The following FAM135B variants were observed in gnomAD, a reference collection of about 807,000 sequenced individuals.
FAM135B encodes the protein family with sequence similarity 135 member B.
FAM135B carries 43 observed loss-of-function variants against 127.7 expected under a neutral mutation model. That is an observed-to-expected ratio of 0.34 (90% confidence interval 0.26 to 0.43). FAM135B has a LOEUF of 0.43. Ranked by LOEUF, FAM135B falls within the 20% of genes least tolerant of loss-of-function variation. The probability of loss-of-function intolerance (pLI) is 1.00; values close to 1 mark genes in which losing one functional copy is unlikely to be tolerated. For synonymous variants in FAM135B, 670 were observed against 665.1 expected, an observed-to-expected ratio of 1.01 and a Z score of -0.11; for missense variants, 1,558 against 1,725.6, an observed-to-expected ratio of 0.90 and a Z score of 1.72.
At chr8:138,493,532 T>C (rs796221192) in intron 1 of FAM135B, among the ~76,000 whole-genome samples, 3 of 152,332 alleles carry the variant, frequency 2.0e-5, no homozygotes, top group African/African-American at 7.2e-5. Flanking sequence ...TTCTGTGCAT[T>C]TGCCTATCTA....
intron 4 of FAM135B, among the ~76,000 whole-genome samples, chr8:138,257,814 T>C (rs1822207205): frequency 1.3e-5 from 2 of 151,858 alleles, no homozygotes; most frequent in Non-Finnish European, 2.9e-5. Flanking sequence ...TTGAACAAAT[T>C]GCAAACATTT....
At chr8:138,328,643 T>C (rs1284174904) in intron 2 of FAM135B, among the ~76,000 whole-genome samples, 1 of 152,144 alleles carries the variant, frequency 6.6e-6, no homozygotes, top group Admixed American at 6.5e-5. Context: ...ACTATAAAAA[T>C]AGATGGACCG....
intron 1 of FAM135B, among the ~76,000 whole-genome samples, chr8:138,455,928 T>C (rs1470870625): frequency 6.6e-6 from 1 of 152,226 alleles, no homozygotes; most frequent in Non-Finnish European, 1.5e-5. Context: ...ACCCTCCATA[T>C]GCCAGATCCA....
intron 1 of FAM135B, among the ~76,000 whole-genome samples, chr8:138,428,591 C>A (rs1205606919): frequency 3.3e-5 from 5 of 152,026 alleles, no homozygotes; most frequent in African/African-American, 1.2e-4. Context: ...TCAAGCAATG[C>A]CCTCAAGTTC....
At chr8:138,298,299 C>T (rs1425526230) in intron 3 of FAM135B, among the ~76,000 whole-genome samples, 3 of 151,708 alleles carry the variant, frequency 2.0e-5, no homozygotes, top group Non-Finnish European at 4.4e-5. Context: ...ACTGAAGTCA[C>T]CTAAAGAAAA....
intron 7 of FAM135B, among the ~76,000 whole-genome samples, chr8:138,201,154 T>G (rs1165776408): frequency 6.6e-6 from 1 of 152,136 alleles, no homozygotes; most frequent in Admixed American, 6.5e-5. Context: ...TAGTCATGAA[T>G]CCCCAGCTGA....
At chr8:138,261,195 C>T (rs1217665514) in intron 4 of FAM135B, among the ~76,000 whole-genome samples, 1 of 152,058 alleles carries the variant, frequency 6.6e-6, no homozygotes, top group African/African-American at 2.4e-5. Flanking sequence ...TCTGAATCAC[C>T]AGGTCTGGCC....
intron 2 of FAM135B, among the ~76,000 whole-genome samples, chr8:138,314,693 C>CAATAAATAAATA (rs1402271667): frequency 0.18 from 21,047 of 120,062 alleles, 2,259 homozygotes; most frequent in East Asian, 0.34. Flanking sequence ...CCCATCCCTA[C>CAATAAATAAATA]AATAAATAAA....
At position 138,236,105 on chromosome 8, in the gene FAM135B, G is replaced by A. The variant is rs558841571; in HGVS notation, c.669+6837C>T. Among the ~76,000 whole-genome samples the A allele has an allele frequency of 8.2e-4, 124 of 151,750 alleles. 1 individual carries two copies. The highest frequency in any genetic ancestry group is 3.4e-3 in the Middle Eastern group (1 of 294). On this transcript the variant is annotated intron_variant, in intron 7 of 19. Coordinates refer to ENST00000395297, the MANE Select transcript of FAM135B (RefSeq NM_015912.4). ...TCTGTAAGTTCCTTTGTTCTTCTGC[G>A]TTCAGATGTTCTCAGATTCCAAGGC...
At chr8:138,427,302 A>C (rs1834946105) in intron 1 of FAM135B, among the ~76,000 whole-genome samples, 1 of 150,176 alleles carries the variant, frequency 6.7e-6, no homozygotes, top group African/African-American at 2.4e-5. Flanking sequence ...ATATTTATGC[A>C]TTCTACAAAT....
intron 9 of FAM135B, among the ~76,000 whole-genome samples, chr8:138,189,502 T>G (rs1379435748): frequency 6.6e-6 from 1 of 152,216 alleles, no homozygotes; most frequent in Non-Finnish European, 1.5e-5. Context: ...ACTGAGCTGT[T>G]AACACTTAAG....
chr8:138,271,074 C>T (rs1418629444), intron 3 of FAM135B, among the ~76,000 whole-genome samples: 1 of 152,184 alleles, frequency 6.6e-6, no homozygotes, highest in African/African-American at 2.4e-5. Flanking sequence ...AATGACCACA[C>T]TTCATTGTGT....
At position 138,242,205 on chromosome 8, in the gene FAM135B, G is replaced by GTGTGTT. The variant is rs1382846371; in HGVS notation, c.669+736_669+737insAACACA. 1.2e-4 allele frequency among the ~76,000 whole-genome samples: 17 copies of GTGTGTT among 141,200 alleles called. No homozygotes were observed. Among genetic ancestry groups the GTGTGTT allele is most frequent in the Admixed American group, 4.9e-4 (7 of 14,286 alleles). 92.6% of individuals were successfully genotyped at this position (141,200 alleles called of 152,430 possible). A position where few individuals can be genotyped will look rare whatever the true frequency, so the allele number is the denominator to read the frequency against. On this transcript the variant is annotated intron_variant, in intron 7 of 19. Transcript: ENST00000395297. This position sits in a 1 kb window ranked among gnomAD's most constrained non-coding sequence, Gnocchi z 9.6. ...TGTGTGTGTGTGTGTGTGTGTGTGT[G>GTGTGTT]TGTGTGTGTGTGTTCTATTGGCTGT... is the stretch of plus-strand genomic sequence containing the variant.
Position 138,249,345 on chromosome 8 carries a change from C to T in FAM135B, c.542+1496G>A, listed in dbSNP as rs796671827. 3.9e-5 allele frequency among the ~76,000 whole-genome samples: 6 copies of T among 152,268 alleles called. No homozygotes were observed. In the South Asian group the frequency reaches 8.3e-4, roughly 21 times the overall value. ...GTTTCTATAACTGTGAATCTTGTAA[C>T]ATTTTCTACCAAACTCTACCACAAC... On this transcript the variant is annotated intron_variant, in intron 6 of 19. Coordinates refer to ENST00000395297, the MANE Select transcript of FAM135B (RefSeq NM_015912.4).
intron 2 of FAM135B, among the ~76,000 whole-genome samples, chr8:138,322,699 C>T (rs1341252404): frequency 6.6e-6 from 1 of 152,182 alleles, no homozygotes; most frequent in Non-Finnish European, 1.5e-5. Context: ...ACCTGCCCTA[C>T]CTCCATCTTT....
chr8:138,164,930 C>T (rs1819759527), intron 12 of FAM135B, among the ~76,000 whole-genome samples: 1 of 152,036 alleles, frequency 6.6e-6, no homozygotes, highest in African/African-American at 2.4e-5. Flanking sequence ...TTAGAGGAAC[C>T]ACACGTTCGG....
intron 1 of FAM135B, among the ~76,000 whole-genome samples, chr8:138,464,335 G>A (rs1246711891): frequency 6.6e-6 from 1 of 152,088 alleles, no homozygotes; most frequent in Non-Finnish European, 1.5e-5. Flanking sequence ...TTCCTAGGGT[G>A]GGGCTTACCA....
At chr8:138,313,874 A>G (rs1027009681) in intron 2 of FAM135B, among the ~76,000 whole-genome samples, 1 of 151,162 alleles carries the variant, frequency 6.6e-6, no homozygotes, top group African/African-American at 2.4e-5. Context: ...GGTCATTCAC[A>G]GACATGAACA....
intron 9 of FAM135B, among the ~76,000 whole-genome samples, chr8:138,179,397 C>G (rs997397023): frequency 8.5e-5 from 13 of 152,168 alleles, no homozygotes; most frequent in African/African-American, 2.7e-4. Context: ...ACGGTGCTCC[C>G]TATCTAATCC....
Sources: allele counts gnomAD v4.1 joint callset (sites outside exome capture counted in the v4.1 genomes callset), GRCh38; gene constraint gnomAD v4.1.1; non-coding constraint Gnocchi (gnomAD v3.1); transcripts MANE v1.5; gene names NCBI Gene and HGNC (gene_info 2026-07-23, HGNC 2026-07-21).